The following ADAMTSL1 variants were observed in gnomAD, a reference collection of about 807,000 sequenced individuals.
ADAMTSL1 encodes ADAMTS-like protein 1.
Under a neutral mutation model 201.8 loss-of-function variants are expected in ADAMTSL1, and 126 were observed. The ratio of observed to expected loss-of-function variants is 0.62; its 90% CI spans 0.54 to 0.72. The LOEUF is 0.72. Ranked by LOEUF, ADAMTSL1 falls within the 30% of genes least tolerant of loss-of-function variation. The probability of loss-of-function intolerance (pLI) is 0.00; values close to 1 mark genes in which losing one functional copy is unlikely to be tolerated. For missense variants in ADAMTSL1, 2,679 were observed against 2,277.8 expected, an observed-to-expected ratio of 1.18 and a Z score of -3.59; for synonymous variants, 1,121 against 903.4, an observed-to-expected ratio of 1.24 and a Z score of -4.32.
At chr9:18,011,924 C>A (rs1820069556) in intron 1 of ADAMTSL1, among the ~76,000 whole-genome samples, 1 of 152,110 alleles carries the variant, frequency 6.6e-6, no homozygotes. Context: ...CGGTATGGAG[C>A]TTTGGCAGAG....
chr9:18,303,198 G>A (rs1238260395), intron 2 of ADAMTSL1, among the ~76,000 whole-genome samples: 2 of 152,198 alleles, frequency 1.3e-5, no homozygotes, highest in Non-Finnish European at 2.9e-5. Flanking sequence ...AAACCCTCAA[G>A]GAGTGTTCAT....
intron 2 of ADAMTSL1, among the ~76,000 whole-genome samples, chr9:18,530,879 T>C (rs923732444): frequency 6.6e-6 from 1 of 152,152 alleles, no homozygotes; most frequent in Non-Finnish European, 1.5e-5. Flanking sequence ...TCTTAATCAC[T>C]GCACTGTGGT....
chr9:18,069,355 C>A (rs1053532930), intron 1 of ADAMTSL1, among the ~76,000 whole-genome samples: 1 of 151,996 alleles, frequency 6.6e-6, no homozygotes, highest in African/African-American at 2.4e-5. Flanking sequence ...ATATATGTGG[C>A]TCACATTTTA....
chr9:18,745,640 A>G (rs1819099071), intron 15 of ADAMTSL1, among the ~76,000 whole-genome samples: 1 of 152,208 alleles, frequency 6.6e-6, no homozygotes, highest in Non-Finnish European at 1.5e-5. Context: ...AGAGAGAACT[A>G]GGAAATACTG....
chr9:18,766,093 G>T (rs1364869471), intron 16 of ADAMTSL1, among the ~76,000 whole-genome samples: 1 of 152,118 alleles, frequency 6.6e-6, no homozygotes, highest in Non-Finnish European at 1.5e-5. Context: ...GGAAAGGGGG[G>T]GTGTCGTAAA....
chr9:18,149,017 G>A (rs949003847), intron 1 of ADAMTSL1, among the ~76,000 whole-genome samples: 2 of 151,972 alleles, frequency 1.3e-5, no homozygotes, highest in African/African-American at 4.8e-5. Flanking sequence ...TTGCCAGCAG[G>A]TTCTCCAATA....
chr9:18,074,869 G>C (rs1823145649), intron 1 of ADAMTSL1, among the ~76,000 whole-genome samples: 1 of 152,166 alleles, frequency 6.6e-6, no homozygotes, highest in Non-Finnish European at 1.5e-5. Flanking sequence ...GGGATTACAA[G>C]CGTGAGCCAT....
At chr9:18,127,550 TAACA>T in intron 1 of ADAMTSL1, among the ~76,000 whole-genome samples, 1 of 150,858 alleles carries the variant, frequency 6.6e-6, no homozygotes, top group Non-Finnish European at 1.5e-5. Context: ...AGGAGAATAC[TAACA>T]TTTTTACCAG....
At position 18,424,380 on chromosome 9, in the gene ADAMTSL1, G is replaced by A. The variant is rs117928368; in HGVS notation, c.208-80449G>A. On this transcript the variant is annotated intron_variant, in intron 2 of 29. Transcript: ENST00000680146. ...TGCTAAGCAGAGGGCCTGGAAAGGT[G>A]AATCTTATACAGTCCCCATGACAGC... is the stretch of plus-strand genomic sequence containing the variant. Among the ~76,000 whole-genome samples the A allele has an allele frequency of 9.3e-3, 1,414 of 152,288 alleles. 11 individuals are homozygous for A. Among genetic ancestry groups the A allele is most frequent in the Non-Finnish European group, 0.015 (1,042 of 68,020 alleles).
chr9:18,022,619 G>C (rs1174230328), intron 1 of ADAMTSL1, among the ~76,000 whole-genome samples: 1 of 152,006 alleles, frequency 6.6e-6, no homozygotes, highest in Non-Finnish European at 1.5e-5. Context: ...TGTGTACAAG[G>C]CTTGTGAATT....
chr9:17,980,480 T>G (rs956352654), intron 1 of ADAMTSL1, among the ~76,000 whole-genome samples: 1 of 152,180 alleles, frequency 6.6e-6, no homozygotes, highest in African/African-American at 2.4e-5. Flanking sequence ...GCTATACTTT[T>G]TATTTCTAGC....
chr9:18,594,354 G>T (rs1316680949), intron 4 of ADAMTSL1, among the ~76,000 whole-genome samples: 1 of 151,924 alleles, frequency 6.6e-6, no homozygotes, highest in African/African-American at 2.4e-5. Flanking sequence ...CCTGTATCTG[G>T]ATACTTATAA....
chr9:18,195,006 G>C (rs1439052944), intron 2 of ADAMTSL1, among the ~76,000 whole-genome samples: 1 of 152,120 alleles, frequency 6.6e-6, no homozygotes, highest in Non-Finnish European at 1.5e-5. Context: ...TGAAAGACTA[G>C]TAATCAGTCC....
intron 1 of ADAMTSL1, among the ~76,000 whole-genome samples, chr9:18,020,950 C>T (rs1340985803): frequency 6.6e-6 from 1 of 152,016 alleles, no homozygotes; most frequent in African/African-American, 2.4e-5. Context: ...TCAATGCCAC[C>T]CTTTAAATCC....
At chr9:18,098,445 C>G (rs1055658410) in intron 1 of ADAMTSL1, among the ~76,000 whole-genome samples, 1 of 152,124 alleles carries the variant, frequency 6.6e-6, no homozygotes, top group Non-Finnish European at 1.5e-5. Flanking sequence ...ATGCAGTACA[C>G]AGAACTGAGA....
chr9:18,098,935 C>A (rs904314161), intron 1 of ADAMTSL1, among the ~76,000 whole-genome samples: 1 of 152,100 alleles, frequency 6.6e-6, no homozygotes, highest in Non-Finnish European at 1.5e-5. Context: ...TTGTGAGTTT[C>A]CCTCCCCTAA....
chr9:18,267,263 G>A (rs1348382178), intron 2 of ADAMTSL1, among the ~76,000 whole-genome samples: 2 of 152,064 alleles, frequency 1.3e-5, no homozygotes, highest in Non-Finnish European at 2.9e-5. Flanking sequence ...GTCATGCAAC[G>A]ATTTCTTACT....
intron 1 of ADAMTSL1, among the ~76,000 whole-genome samples, chr9:18,118,135 T>C (rs1825332758): frequency 6.6e-6 from 1 of 152,202 alleles, no homozygotes; most frequent in African/African-American, 2.4e-5. Flanking sequence ...TCATAAGTTA[T>C]CTTTCTATTT....
At chr9:18,255,399 C>G (rs1310432991) in intron 2 of ADAMTSL1, among the ~76,000 whole-genome samples, 1 of 151,946 alleles carries the variant, frequency 6.6e-6, no homozygotes, top group Non-Finnish European at 1.5e-5. Flanking sequence ...ACAGACGAAA[C>G]TCTCAGCAGG....
Sources: allele counts gnomAD v4.1 joint callset (sites outside exome capture counted in the v4.1 genomes callset), GRCh38; gene constraint gnomAD v4.1.1; transcripts MANE v1.5; gene names NCBI Gene and HGNC (gene_info 2026-07-23, HGNC 2026-07-21).